OR51B5: variants seen among roughly 807,000 people sequenced by gnomAD.
OR51B5 encodes the protein olfactory receptor 51B5.
For missense variants in OR51B5, 456 were observed against 374.6 expected, an observed-to-expected ratio of 1.22 and a Z score of -1.79; for synonymous variants, 186 against 144.8, an observed-to-expected ratio of 1.28 and a Z score of -2.04.
chr11:5,481,590 G>T (rs551222872), intron 1 of OR51B5, among the ~76,000 whole-genome samples: 11 of 150,548 alleles, frequency 7.3e-5, no homozygotes, highest in Non-Finnish European at 1.6e-4. Flanking sequence ...CAGATGACAT[G>T]AATGTGTATC....
chr11:5,342,775 A>G, exon 1 of OR51B5: 1 of 1,613,836 alleles, frequency 6.2e-7, no homozygotes, highest in Non-Finnish European at 8.5e-7. Context: ...TCACTGTGAC[A>G]TAAAAAACCA....
chr11:5,446,768 T>C (rs1444382769), intron 1 of OR51B5, among the ~76,000 whole-genome samples: 3 of 152,196 alleles, frequency 2.0e-5, no homozygotes, highest in Non-Finnish European at 2.9e-5. Context: ...CTCTGTCCAG[T>C]GGATGCCACA....
At chr11:5,432,684 A>C (rs1056251176) in intron 1 of OR51B5, among the ~76,000 whole-genome samples, 2 of 152,224 alleles carry the variant, frequency 1.3e-5, no homozygotes, top group Non-Finnish European at 2.9e-5. Context: ...AAGATATTAC[A>C]TGGGATATTG....
At chr11:5,389,307 C>A in intron 1 of OR51B5, 2 of 1,228,932 alleles carry the variant, frequency 1.6e-6, no homozygotes, top group Non-Finnish European at 2.3e-6. Flanking sequence ...GTGATGATGA[C>A]CATGGTACTG....
At chr11:5,430,898 G>T in intron 1 of OR51B5, 1 of 457,070 alleles carries the variant, frequency 2.2e-6, no homozygotes, top group South Asian at 1.5e-5. Context: ...GCCTTCCACC[G>T]TCCCTCTCCA....
chr11:5,357,867 C>G (rs79305522), intron 1 of OR51B5, among the ~76,000 whole-genome samples: 1 of 150,892 alleles, frequency 6.6e-6, no homozygotes, highest in African/African-American at 2.4e-5. Context: ...ACATGGAAAC[C>G]GAACAAATTG....
At chr11:5,378,541 A>C (rs1849563427) in intron 1 of OR51B5, among the ~76,000 whole-genome samples, 1 of 152,220 alleles carries the variant, frequency 6.6e-6, no homozygotes, top group Non-Finnish European at 1.5e-5. Flanking sequence ...ACAATGGGAG[A>C]AAATTTTCAC....
At chr11:5,429,423 A>T (rs900660975) in intron 1 of OR51B5, among the ~76,000 whole-genome samples, 7 of 152,200 alleles carry the variant, frequency 4.6e-5, no homozygotes, top group African/African-American at 1.7e-4. Flanking sequence ...TGGATGAGTC[A>T]AGGAGAATAA....
In OR51B5 at chr11:5,480,018, G is replaced by A. The variant is rs1355768544; in HGVS notation, n.84+25551C>T. Among the ~76,000 whole-genome samples the A allele has an allele frequency of 8.4e-3, 1,274 of 150,938 alleles. 15 individuals are homozygous for A. The highest frequency in any genetic ancestry group is 0.026 in the African/African-American group (1,082 of 41,062). On this transcript the variant is annotated intron_variant and non_coding_transcript_variant, in intron 1 of 4. Coordinates refer to the OR51B5 transcript ENST00000415970. ...AGCTCTGCACCAAGCAGACCTAATA[G>A]ACATCTACAGAACTCTCCACCCCAA...
At chr11:5,397,520 AGAATGGC>A (rs1399095572) in intron 1 of OR51B5, among the ~76,000 whole-genome samples, 2 of 151,056 alleles carry the variant, frequency 1.3e-5, no homozygotes, top group East Asian at 3.9e-4. Flanking sequence ...CACACCAGTT[AGAATGGC>A]AATCATTAAA....
upstream of OR51B5, among the ~76,000 whole-genome samples, chr11:5,347,524 C>T (rs569276856): frequency 3.9e-5 from 6 of 152,214 alleles, no homozygotes; most frequent in Non-Finnish European, 8.8e-5. Flanking sequence ...CACCACATCA[C>T]TTTGTGATGG....
chr11:5,456,265 C>A (rs1002299353), intron 1 of OR51B5: 1 of 152,120 alleles, frequency 6.6e-6, no homozygotes, highest in Admixed American at 6.5e-5. Flanking sequence ...GCCTCTGGCT[C>A]CTTTGTACCT....
chr11:5,472,595 A>T (rs1223554601), intron 1 of OR51B5, among the ~76,000 whole-genome samples: 1 of 152,268 alleles, frequency 6.6e-6, no homozygotes, highest in Middle Eastern at 3.4e-3. Context: ...GATTCTAAAA[A>T]ATCTTGAGTG....
At chr11:5,379,711 A>C (rs1849581519) in intron 1 of OR51B5, among the ~76,000 whole-genome samples, 1 of 151,958 alleles carries the variant, frequency 6.6e-6, no homozygotes, top group Non-Finnish European at 1.5e-5. Flanking sequence ...CCAGATGTTG[A>C]AACATTCAGT....
intron 1 of OR51B5, among the ~76,000 whole-genome samples, chr11:5,502,542 A>T (rs1163566965): frequency 6.6e-6 from 1 of 152,230 alleles, no homozygotes; most frequent in Non-Finnish European, 1.5e-5. Context: ...ATGCACTAGC[A>T]ATTTCCTGCA....
intron 1 of OR51B5, among the ~76,000 whole-genome samples, chr11:5,420,243 A>G (rs1850310593): frequency 6.6e-6 from 1 of 152,048 alleles, no homozygotes; most frequent in African/African-American, 2.4e-5. Flanking sequence ...TTAACATACA[A>G]ATTACACTTA....
chr11:5,412,547 G>C (rs1346975090), intron 1 of OR51B5, among the ~76,000 whole-genome samples: 1 of 152,210 alleles, frequency 6.6e-6, no homozygotes, highest in Non-Finnish European at 1.5e-5. Flanking sequence ...TCAAAGAAAG[G>C]AGTGACAGAT....
At chr11:5,388,254 C>T (rs1369198804) in intron 1 of OR51B5, among the ~76,000 whole-genome samples, 1 of 151,386 alleles carries the variant, frequency 6.6e-6, no homozygotes, top group Non-Finnish European at 1.5e-5. Context: ...AAAAAAGAGA[C>T]AGTCATGGTT....
intron 1 of OR51B5, among the ~76,000 whole-genome samples, chr11:5,461,541 G>C (rs949797789): frequency 6.6e-6 from 1 of 152,110 alleles, no homozygotes; most frequent in African/African-American, 2.4e-5. Flanking sequence ...GCTAACTAAG[G>C]CTAAAGTCAC....
Sources: gnomAD v4.1 joint callset for allele counts (sites outside exome capture counted in the v4.1 genomes callset) on GRCh38, gnomAD v4.1.1 for gene constraint, MANE v1.5 for transcripts, NCBI Gene and HGNC (gene_info 2026-07-23, HGNC 2026-07-21) for gene names.